The following UBE2B variants were observed in gnomAD, a reference collection of about 807,000 sequenced individuals.
UBE2B encodes the protein ubiquitin-conjugating enzyme E2 B.
UBE2B carries 11 observed loss-of-function variants against 24.6 expected under a neutral mutation model. The ratio of observed to expected loss-of-function variants is 0.45; its 90% CI spans 0.28 to 0.74. The LOEUF (loss-of-function observed/expected upper bound fraction) is 0.74, where lower values mean the gene tolerates loss of function less well. Ranked by LOEUF, UBE2B falls within the 30% of genes least tolerant of loss-of-function variation. The probability of loss-of-function intolerance (pLI) is 0.13; values close to 1 mark genes in which losing one functional copy is unlikely to be tolerated. For missense variants in UBE2B, 78 were observed against 185.6 expected (o/e 0.42, Z 3.37); for synonymous variants, 68 against 62.4 (o/e 1.09, Z -0.42).
intron 1 of UBE2B, among the ~76,000 whole-genome samples, chr5:134,372,198 C>T (rs1758465446): frequency 6.6e-6 from 1 of 152,216 alleles, no homozygotes; most frequent in South Asian, 2.1e-4. Context: ...TCTGTCCCCG[C>T]CCGCCTGAAA....
chr5:134,371,663 G>C, intron 1 of UBE2B, 24 bp downstream of exon 1: 2 of 1,613,316 alleles, frequency 1.2e-6, no homozygotes, highest in South Asian at 1.1e-5. Flanking sequence ...CCTTCGCCTA[G>C]ATGACGGCCC....
intron 4 of UBE2B, among the ~76,000 whole-genome samples, chr5:134,382,947 A>C (rs866373094): frequency 6.6e-6 from 1 of 152,114 alleles, no homozygotes. Context: ...CAGGTGGATC[A>C]TGAGGTCAAG....
intron 4 of UBE2B, 147 bp downstream of exon 4, chr5:134,380,955 A>AAT: frequency 6.5e-6 from 1 of 153,404 alleles, no homozygotes; most frequent in Non-Finnish European, 1.2e-5. Flanking sequence ...TTTGTTGTGG[A>AAT]TTTTTTTTTT....
chr5:134,380,854 G>A, intron 4 of UBE2B, 46 bp downstream of exon 4: 3 of 1,247,930 alleles, frequency 2.4e-6, no homozygotes, highest in Non-Finnish European at 3.4e-6. Flanking sequence ...GGGGAAAAGA[G>A]TTGTTTCCCT....
intron 1 of UBE2B, 101 bp downstream of exon 1, chr5:134,371,740 G>A: frequency 1.3e-6 from 2 of 1,528,880 alleles, no homozygotes; most frequent in Non-Finnish European, 1.8e-6. Context: ...TCAGAGGGCC[G>A]GCTGTGGGCC....
intron 3 of UBE2B, among the ~76,000 whole-genome samples, chr5:134,377,574 T>C (rs1282665089): frequency 1.3e-5 from 2 of 152,214 alleles, no homozygotes; most frequent in African/African-American, 2.4e-5. Flanking sequence ...GTGTCTATGT[T>C]AAAGGGTTAT....
chr5:134,384,076 T>C (rs1488492991), intron 4 of UBE2B, among the ~76,000 whole-genome samples: 1 of 152,248 alleles, frequency 6.6e-6, no homozygotes. Flanking sequence ...TAAATTACCA[T>C]GTGAAAGACT....
chr5:134,380,641 C>T (rs1758692858), intron 3 of UBE2B, 78 bp from the exon 4 acceptor site: 6 of 820,448 alleles, frequency 7.3e-6, no homozygotes, highest in Non-Finnish European at 1.0e-5. Flanking sequence ...GTACAAAAAC[C>T]AGTATGCAGT....
intron 4 of UBE2B, chr5:134,388,007 TGGCCCGACTG>T: frequency 3.1e-6 from 1 of 324,804 alleles, no homozygotes; most frequent in South Asian, 3.2e-5. Flanking sequence ...TTCACTGTGT[TGGCCCGACTG>T]GTCTCAGACT....
rs373518433 is a variant in UBE2B at position 134,371,605 on chromosome 5, C to G, written c.10C>G (p.Pro4Ala). The change falls in exon 1 of 6, where the codon CCG (proline) becomes GCG (alanine). Residue 4 changes from proline (P) to alanine (A), a missense_variant. By Grantham distance (27) the Pro-to-Ala change is conservative. Coordinates refer to ENST00000265339, the MANE Select transcript of UBE2B (RefSeq NM_003337.4). ...GGGGCAGCTGCGGAGCATGTCGACC[C>G]CGGCCCGGAGGAGGCTCATGCGGGA... MSTPARRRLMRDFK... is the reference protein window; with the variant it reads MSTAARRRLMRDFK... The G allele has an allele frequency of 6.2e-7, 1 of 1,613,006 alleles. No individual in the cohort carries two copies. The highest frequency in any genetic ancestry group is 1.7e-5 in the Admixed American group (1 of 60,018).
chr5:134,385,745 G>A (rs1459515021), intron 4 of UBE2B: 1 of 152,200 alleles, frequency 6.6e-6, no homozygotes. Context: ...CAGGCACGGT[G>A]GCCCACGCCT....
intron 3 of UBE2B, among the ~76,000 whole-genome samples, chr5:134,379,195 GTATGTGAAGTGAACAGATTT>G (rs1380741879): frequency 6.6e-6 from 1 of 152,128 alleles, no homozygotes; most frequent in Non-Finnish European, 1.5e-5. Flanking sequence ...GGTAAAACAC[GTATGTGAAGTGAACAGATTT>G]TAATGTAACT....
At chr5:134,375,960 A>G (rs543399244) in intron 2 of UBE2B, among the ~76,000 whole-genome samples, 1 of 152,142 alleles carries the variant, frequency 6.6e-6, no homozygotes, top group East Asian at 1.9e-4. Flanking sequence ...AAAGCAGGAC[A>G]CTTGGGTTTA....
At chr5:134,385,130 C>A in intron 4 of UBE2B, among the ~76,000 whole-genome samples, 1 of 152,166 alleles carries the variant, frequency 6.6e-6, no homozygotes, top group East Asian at 1.9e-4. Context: ...CTTTTGGATT[C>A]TCAGAAATAG....
At chr5:134,384,950 A>G (rs777567680) in intron 4 of UBE2B, among the ~76,000 whole-genome samples, 2 of 152,168 alleles carry the variant, frequency 1.3e-5, no homozygotes, top group South Asian at 2.1e-4. Context: ...ATCTTATACT[A>G]TGTGGTCCTT....
At chr5:134,387,204 C>T (rs1026607216) in intron 4 of UBE2B, among the ~76,000 whole-genome samples, 1 of 152,036 alleles carries the variant, frequency 6.6e-6, no homozygotes, top group African/African-American at 2.4e-5. Flanking sequence ...ATGATCCACC[C>T]GCCTCGGCCT....
At chr5:134,372,973 C>T (rs1376972967) in intron 1 of UBE2B, among the ~76,000 whole-genome samples, 2 of 152,164 alleles carry the variant, frequency 1.3e-5, no homozygotes, top group African/African-American at 4.8e-5. Context: ...AGATAGTAAA[C>T]TAGTTCATGT....
Position 134,371,626 on chromosome 5 carries a change from C to G in UBE2B, c.31C>G (p.Arg11Gly), listed in dbSNP as rs752739060. The change falls in exon 1 of 6, where the codon CGG becomes GGG. Residue 11 changes from arginine to glycine, a missense_variant. By Grantham distance (125) the Arg-to-Gly change is moderately radical. Transcript: ENST00000265339. MSTPARRRLM[R>G]DFKRLQEDPP... ...GACCCCGGCCCGGAGGAGGCTCATGCGGGATTTCAAGCGGTAAGGGCCTTC... is the reference window on the plus strand; with the variant it reads ...GACCCCGGCCCGGAGGAGGCTCATGGGGGATTTCAAGCGGTAAGGGCCTTC... 1 of 1,613,072 alleles carries G rather than the reference C, an allele frequency of 6.2e-7. No homozygotes were observed. Among genetic ancestry groups the G allele is most frequent in the African/African-American group, 1.3e-5 (1 of 74,798 alleles).
chr5:134,388,747 A>G (rs961657714), intron 5 of UBE2B, among the ~76,000 whole-genome samples: 1 of 152,186 alleles, frequency 6.6e-6, no homozygotes, highest in African/African-American at 2.4e-5. Flanking sequence ...AAGAAATTCT[A>G]TTTTAAAAAA....
Sources: gnomAD v4.1 joint callset for allele counts (sites outside exome capture counted in the v4.1 genomes callset) on GRCh38, gnomAD v4.1.1 for gene constraint, MANE v1.5 for transcripts, NCBI Gene and HGNC (gene_info 2026-07-23, HGNC 2026-07-21) for gene names.